Variants in PDE1A observed in about 807,000 individuals in gnomAD.
PDE1A encodes the protein phosphodiesterase 1A, also known as dual specificity calcium/calmodulin-dependent 3',5'-cyclic nucleotide phosphodiesterase 1A.
Under a neutral mutation model 61.7 loss-of-function variants are expected in PDE1A, and 35 were observed. The ratio of observed to expected loss-of-function variants is 0.57; its 90% CI spans 0.43 to 0.75. The LOEUF (loss-of-function observed/expected upper bound fraction) is 0.75, where lower values mean the gene tolerates loss of function less well. Among genes scored for constraint, PDE1A ranks in the 30% least tolerant of loss-of-function variants. The pLI is 0.00. For missense variants in PDE1A, 597 were observed against 630.6 expected (o/e 0.95, Z 0.57); for synonymous variants, 232 against 213.2 (o/e 1.09, Z -0.77).
chr2:182,712,565 C>CT, the PDE1A span, among the ~76,000 whole-genome samples: 262 of 151,178 alleles, frequency 1.7e-3, 1 homozygote, highest in African/African-American at 6.0e-3. Flanking sequence ...CCATTTTTTT[C>CT]TTTTTTTTTG....
chr2:182,429,212 A>T (rs1352349197), upstream of PDE1A, among the ~76,000 whole-genome samples: 1 of 152,154 alleles, frequency 6.6e-6, no homozygotes, highest in Non-Finnish European at 1.5e-5. Flanking sequence ...TATATTTCTT[A>T]AATGTTTTTA....
chr2:182,159,359 T>C (rs1019715737), intron 13 of PDE1A, among the ~76,000 whole-genome samples: 2 of 152,152 alleles, frequency 1.3e-5, no homozygotes, highest in African/African-American at 4.8e-5. Context: ...GCTAATTCCA[T>C]TGCTTGATTT....
At chr2:182,514,037 A>T (rs1226480273) in intron 2 of PDE1A, among the ~76,000 whole-genome samples, 1 of 152,170 alleles carries the variant, frequency 6.6e-6, no homozygotes, top group African/African-American at 2.4e-5. Flanking sequence ...CACCAGTAAC[A>T]TCCAAGCTGA....
chr2:182,217,795 A>G (rs1235285630), intron 7 of PDE1A, among the ~76,000 whole-genome samples: 4 of 150,668 alleles, frequency 2.7e-5, no homozygotes, highest in Non-Finnish European at 5.9e-5. Context: ...ATGTGGAGAA[A>G]TAGGAACACT....
At chr2:182,237,380 C>T (rs1030290885) in intron 3 of PDE1A, among the ~76,000 whole-genome samples, 1 of 151,988 alleles carries the variant, frequency 6.6e-6, no homozygotes, top group Non-Finnish European at 1.5e-5. Context: ...CCTGTAATCC[C>T]AGCAGGAGAA....
chr2:182,564,194 G>C, the PDE1A span, among the ~76,000 whole-genome samples: 3 of 152,142 alleles, frequency 2.0e-5, no homozygotes, highest in Non-Finnish European at 4.4e-5. Context: ...GGCTGGTACT[G>C]GTTGTTCCTT....
At chr2:182,209,937 T>G (rs1428322199) in intron 7 of PDE1A, among the ~76,000 whole-genome samples, 1 of 152,204 alleles carries the variant, frequency 6.6e-6, no homozygotes, top group Non-Finnish European at 1.5e-5. Context: ...CTCAGTAATA[T>G]GCATTCATGT....
the PDE1A span, among the ~76,000 whole-genome samples, chr2:182,677,041 T>C: frequency 6.6e-6 from 1 of 152,120 alleles, no homozygotes; most frequent in Non-Finnish European, 1.5e-5. Flanking sequence ...CTATTCAACA[T>C]AGTATTGGAA....
chr2:182,700,576 G>T, the PDE1A span, among the ~76,000 whole-genome samples: 2 of 151,964 alleles, frequency 1.3e-5, no homozygotes, highest in African/African-American at 4.8e-5. Flanking sequence ...ACAAAAATTA[G>T]CCAGGTGTGG....
intron 1 of PDE1A, among the ~76,000 whole-genome samples, chr2:182,408,097 GC>G (rs1188865458): frequency 6.8e-6 from 1 of 147,734 alleles, no homozygotes; most frequent in Non-Finnish European, 1.5e-5. Flanking sequence ...TTACCCCACT[GC>G]CCCACACATA....
At chr2:182,274,248 G>T (rs1693244823) in intron 1 of PDE1A, among the ~76,000 whole-genome samples, 1 of 151,936 alleles carries the variant, frequency 6.6e-6, no homozygotes, top group African/African-American at 2.4e-5. Context: ...AATGGCTTGG[G>T]ATATTTATTC....
chr2:182,438,030 G>C (rs1308859935), intron 2 of PDE1A, among the ~76,000 whole-genome samples: 1 of 151,748 alleles, frequency 6.6e-6, no homozygotes, highest in Non-Finnish European at 1.5e-5. Flanking sequence ...GTTATAAATA[G>C]AATCATAGAC....
chr2:182,420,221 T>C (rs1703189220), intron 1 of PDE1A, among the ~76,000 whole-genome samples: 1 of 152,066 alleles, frequency 6.6e-6, no homozygotes, highest in African/African-American at 2.4e-5. Context: ...TTTGTTTTGT[T>C]TTTTTCACAG....
At chr2:182,238,709 T>G (rs1690264461) in intron 3 of PDE1A, among the ~76,000 whole-genome samples, 1 of 152,252 alleles carries the variant, frequency 6.6e-6, no homozygotes, top group Non-Finnish European at 1.5e-5. Flanking sequence ...CACATTGATT[T>G]CTTAAAGACT....
At chr2:182,451,664 T>A (rs1685531840) in intron 2 of PDE1A, among the ~76,000 whole-genome samples, 1 of 152,170 alleles carries the variant, frequency 6.6e-6, no homozygotes, top group East Asian at 1.9e-4. Flanking sequence ...TGAGCTCACA[T>A]GTCAATGCAA....
chr2:182,542,838 T>C, the PDE1A span, among the ~76,000 whole-genome samples: 1 of 152,350 alleles, frequency 6.6e-6, no homozygotes, highest in South Asian at 2.1e-4. Context: ...AAATCATATC[T>C]TTATCTCTTA....
At chr2:182,267,672 C>T (rs903481254) in intron 1 of PDE1A, among the ~76,000 whole-genome samples, 2 of 151,988 alleles carry the variant, frequency 1.3e-5, no homozygotes, top group African/African-American at 4.8e-5. Flanking sequence ...TTATTACTAT[C>T]CTAATTGTAA....
chr2:182,667,745 A>G, the PDE1A span, among the ~76,000 whole-genome samples: 36 of 151,512 alleles, frequency 2.4e-4, no homozygotes, highest in Non-Finnish European at 1.2e-4. Context: ...GAGGGATTAG[A>G]ATTGCTATAT....
chr2:182,363,290 A>C (rs367611334), intron 1 of PDE1A, among the ~76,000 whole-genome samples: 15 of 152,026 alleles, frequency 9.9e-5, no homozygotes, highest in Admixed American at 7.9e-4. Context: ...ATGTTCCTAT[A>C]CAAAATAGAG....
Sources: gnomAD v4.1 joint callset for allele counts (sites outside exome capture counted in the v4.1 genomes callset) on GRCh38, gnomAD v4.1.1 for gene constraint, MANE v1.5 for transcripts, NCBI Gene and HGNC (gene_info 2026-07-23, HGNC 2026-07-21) for gene names.